LRRIQ1: variants seen among roughly 807,000 people sequenced by gnomAD.
LRRIQ1 encodes the protein leucine-rich repeat- and IQ domain-containing protein 1.
In LRRIQ1, 210 loss-of-function variants were observed where a neutral mutation model predicts 211.9. The ratio of observed to expected loss-of-function variants is 0.99; its 90% CI spans 0.89 to 1.11. LRRIQ1 has a LOEUF of 1.11. LRRIQ1 is among the 50% of genes most tolerant of loss of function. The pLI, the probability that LRRIQ1 is intolerant of heterozygous loss-of-function variation, is 0.00. For missense variants in LRRIQ1, 2,136 were observed against 1,939.5 expected, an observed-to-expected ratio of 1.10 and a Z score of -1.90; for synonymous variants, 699 against 650.1, an observed-to-expected ratio of 1.08 and a Z score of -1.14.
intron 15 of LRRIQ1, among the ~76,000 whole-genome samples, chr12:85,110,513 A>T (rs11116713): frequency 0.065 from 9,827 of 152,194 alleles, 1,063 homozygotes; most frequent in African/African-American, 0.22. Flanking sequence ...AATCTAACTC[A>T]TGCAGTCTGG....
chr12:85,196,628 A>G (rs1444354439), intron 24 of LRRIQ1, among the ~76,000 whole-genome samples: 1 of 152,176 alleles, frequency 6.6e-6, no homozygotes, highest in East Asian at 1.9e-4. Flanking sequence ...AGCCATATGT[A>G]GAAAGCTGAA....
chr12:85,061,496 CT>C (rs1881797073), intron 8 of LRRIQ1, among the ~76,000 whole-genome samples: 1 of 151,740 alleles, frequency 6.6e-6, no homozygotes, highest in African/African-American at 2.4e-5. Flanking sequence ...GCAGTTACTT[CT>C]GTACTATAAT....
chr12:85,081,533 A>G (rs554709136), intron 11 of LRRIQ1, among the ~76,000 whole-genome samples: 1 of 151,884 alleles, frequency 6.6e-6, no homozygotes, highest in Non-Finnish European at 1.5e-5. Flanking sequence ...TGCAGAAATT[A>G]AAAGTACACA....
intron 19 of LRRIQ1, among the ~76,000 whole-genome samples, chr12:85,149,877 A>G (rs1170003462): frequency 6.6e-6 from 1 of 151,800 alleles, no homozygotes; most frequent in African/African-American, 2.4e-5. Context: ...CTTTCTATTC[A>G]GGAAAAAAAG....
chr12:85,174,488 A>G (rs1891582356), intron 24 of LRRIQ1, among the ~76,000 whole-genome samples: 1 of 151,478 alleles, frequency 6.6e-6, no homozygotes, highest in African/African-American at 2.4e-5. Flanking sequence ...TGAGGCCAAG[A>G]GTTCTAGATC....
At chr12:85,206,968 C>T (rs906739826) in intron 24 of LRRIQ1, among the ~76,000 whole-genome samples, 4 of 152,152 alleles carry the variant, frequency 2.6e-5, no homozygotes, top group African/African-American at 9.7e-5. Flanking sequence ...TGCTCCCCTG[C>T]AGATGTTCCC....
At chr12:85,156,906 A>G (rs1387492565) in intron 23 of LRRIQ1, among the ~76,000 whole-genome samples, 1 of 151,858 alleles carries the variant, frequency 6.6e-6, no homozygotes, top group Non-Finnish European at 1.5e-5. Context: ...GTAATCCTCA[A>G]GGAAATGGAG....
downstream of LRRIQ1, among the ~76,000 whole-genome samples, chr12:85,264,776 G>A (rs374725688): frequency 7.2e-5 from 11 of 152,070 alleles, no homozygotes; most frequent in African/African-American, 9.6e-5. Flanking sequence ...AACAGTGATG[G>A]ACCTAGGCAA....
intron 26 of LRRIQ1, among the ~76,000 whole-genome samples, chr12:85,239,327 A>G (rs947983985): frequency 2.7e-5 from 4 of 150,848 alleles, no homozygotes; most frequent in African/African-American, 9.8e-5. Flanking sequence ...AAGACTTGCT[A>G]TCAATCCCCG....
At chr12:85,225,801 A>G (rs1376157779) in intron 24 of LRRIQ1, among the ~76,000 whole-genome samples, 2 of 152,156 alleles carry the variant, frequency 1.3e-5, no homozygotes, top group African/African-American at 4.8e-5. Context: ...TATCCAGGTC[A>G]CCCTTATTCT....
intron 10 of LRRIQ1, among the ~76,000 whole-genome samples, chr12:85,071,857 C>T (rs1028483804): frequency 6.6e-6 from 1 of 152,038 alleles, no homozygotes; most frequent in African/African-American, 2.4e-5. Context: ...GAGGAAACTT[C>T]TCCCATGATT....
In LRRIQ1 at chr12:85,260,129, TAAAAAAA is replaced by T. The variant is rs34282611; in HGVS notation, c.122-2771_122-2765del. ...CTTACATGTTACTTTTCATGTTGGT[TAAAAAAA>T]AAAAAAAAAAAAAAGCTTATATTAA... On this transcript the variant is annotated intron_variant, in intron 1 of 1. Transcript: ENST00000602731. 1.4e-4 allele frequency among the ~76,000 whole-genome samples: 16 copies of T among 115,588 alleles called. No homozygotes were observed. The East Asian group carries it at 3.9e-3, about 28-fold the overall frequency. 75.8% of individuals were successfully genotyped at this position (115,588 alleles called of 152,430 possible). A position where few individuals can be genotyped will look rare whatever the true frequency, so the allele number is the denominator to read the frequency against.
At chr12:85,087,767 C>A (rs866470813) in intron 11 of LRRIQ1, among the ~76,000 whole-genome samples, 23 of 152,270 alleles carry the variant, frequency 1.5e-4, no homozygotes, top group Middle Eastern at 6.8e-3. Flanking sequence ...TGTTCATATC[C>A]TTTGTCCACT....
chr12:85,130,296 G>A (rs1211851936), intron 18 of LRRIQ1, among the ~76,000 whole-genome samples: 2 of 152,028 alleles, frequency 1.3e-5, no homozygotes, highest in South Asian at 4.1e-4. Flanking sequence ...GAAACTCTGA[G>A]AAAAAATAAA....
chr12:85,181,318 C>G (rs1891970996), intron 24 of LRRIQ1, among the ~76,000 whole-genome samples: 2 of 151,548 alleles, frequency 1.3e-5, no homozygotes, highest in Admixed American at 1.3e-4. Context: ...AAAAACCAAC[C>G]CTTCTAGAAT....
At chr12:85,272,148 A>G in the LRRIQ1 span, among the ~76,000 whole-genome samples, 1 of 152,322 alleles carries the variant, frequency 6.6e-6, no homozygotes, top group African/African-American at 2.4e-5. Flanking sequence ...ATATACCTTA[A>G]ATGAAACAGT....
chr12:85,252,839 A>G (rs1037002576), intron 1 of LRRIQ1, among the ~76,000 whole-genome samples: 18 of 151,936 alleles, frequency 1.2e-4, no homozygotes, highest in Non-Finnish European at 2.1e-4. Context: ...TGATTCAACA[A>G]ACTCCTATTG....
chr12:85,225,655 T>C (rs1388943370), intron 24 of LRRIQ1, among the ~76,000 whole-genome samples: 1 of 152,148 alleles, frequency 6.6e-6, no homozygotes, highest in East Asian at 1.9e-4. Flanking sequence ...GAATTGATGA[T>C]GCAAGACCCA....
chr12:85,236,519 TC>T lies in LRRIQ1; in HGVS notation c.5016+3764del, dbSNP rs554161267. Among the ~76,000 whole-genome samples the T allele has an allele frequency of 3.2e-3, 482 of 152,140 alleles. 5 individuals are homozygous for T. Among genetic ancestry groups the T allele is most frequent in the African/African-American group, 0.011 (445 of 41,530 alleles). The stretch of plus-strand genomic sequence containing the variant: ...AGGAATGAAAATGAAAATTAAGTTG[TC>T]TTATGACAATACTAATCAAATGGCA... On this transcript the variant is annotated intron_variant, in intron 26 of 26. Coordinates refer to ENST00000393217, the MANE Select transcript of LRRIQ1 (RefSeq NM_001079910.2).
Sources: gnomAD v4.1 joint callset for allele counts (sites outside exome capture counted in the v4.1 genomes callset) on GRCh38, gnomAD v4.1.1 for gene constraint, MANE v1.5 for transcripts, NCBI Gene and HGNC (gene_info 2026-07-23, HGNC 2026-07-21) for gene names.